Variants in KCNN4 observed in about 807,000 individuals in gnomAD.
KCNN4 encodes the protein potassium calcium-activated channel subfamily N member 4.
KCNN4 carries 31 observed loss-of-function variants against 45.2 expected under a neutral mutation model. The ratio of observed to expected loss-of-function variants is 0.69; its 90% CI spans 0.52 to 0.92. The LOEUF is 0.92. Ranked by LOEUF, KCNN4 falls within the 40% of genes least tolerant of loss-of-function variation. The pLI is 0.00. For missense variants in KCNN4, 463 were observed against 574.0 expected (o/e 0.81, Z 1.98); for synonymous variants, 231 against 254.6 (o/e 0.91, Z 0.88).
At chr19:43,777,318 TGTGTGTGG>T (rs1196875896) in intron 1 of KCNN4, among the ~76,000 whole-genome samples, 52 of 149,338 alleles carry the variant, frequency 3.5e-4, no homozygotes, top group South Asian at 8.5e-4. Context: ...TGTGTGTGTG[TGTGTGTGG>T]GTGTGTGTGT....
At chr19:43,767,446 C>G in intron 8 of KCNN4, 94 bp downstream of exon 8, 1 of 1,454,008 alleles carries the variant, frequency 6.9e-7, no homozygotes, top group Non-Finnish European at 9.2e-7. Flanking sequence ...GGCCTTGTCT[C>G]CCAGCCATCC....
At chr19:43,771,449 G>A (rs928979368) in intron 4 of KCNN4, among the ~76,000 whole-genome samples, 1 of 152,134 alleles carries the variant, frequency 6.6e-6, no homozygotes, top group Non-Finnish European at 1.5e-5. Context: ...TGGCTCGCCT[G>A]AGCTCCCCAG....
intron 4 of KCNN4, among the ~76,000 whole-genome samples, chr19:43,771,456 C>A (rs1479023181): frequency 2.0e-5 from 3 of 152,114 alleles, no homozygotes; most frequent in African/African-American, 7.2e-5. Flanking sequence ...CCTGAGCTCC[C>A]CAGCCAGGAA....
At chr19:43,767,826 C>T (rs1161356366) in intron 7 of KCNN4, 119 bp from the exon 8 acceptor site, 14 of 1,242,480 alleles carry the variant, frequency 1.1e-5, no homozygotes, top group South Asian at 5.4e-5. Flanking sequence ...GGATTACCCT[C>T]GACAATAACT....
intron 2 of KCNN4, among the ~76,000 whole-genome samples, 196 bp downstream of exon 2, chr19:43,776,345 G>A (rs925166926): frequency 6.6e-6 from 1 of 151,858 alleles, no homozygotes; most frequent in Non-Finnish European, 1.5e-5. Context: ...TACAGGGGAA[G>A]GCGGAGCTGG....
At position 43,766,655 on chromosome 19, in the gene KCNN4, G is replaced by A. The variant is rs1969486018; in HGVS notation, c.*438C>T. ...TGTCCTCTTTGTTGTCCCACCAGGGGGCGCCACCTCCAGCCCCGCCCCAGC... is the reference window on the plus strand; with the variant it reads ...TGTCCTCTTTGTTGTCCCACCAGGGAGCGCCACCTCCAGCCCCGCCCCAGC... On this transcript the variant is annotated 3_prime_UTR_variant, in exon 9 of 9. Transcript: ENST00000648319. 6.6e-6 allele frequency: 1 copy of A among 152,510 alleles called. No homozygotes were observed. The allele number at this position is 152,510 out of a possible 1,614,324, so 9.4% of individuals were successfully genotyped here.
Position 43,780,882 on chromosome 19 carries a change from T to C in KCNN4, c.-21A>G, listed in dbSNP as rs1355341878. On this transcript the variant is annotated 5_prime_UTR_variant, in exon 1 of 9. Transcript: ENST00000648319. ...CCCATGGCCCCCGGGGTCTTGGGGC[T>C]CAGCCAGCTTCCTGCCCAGGGTCCC... 1 of 1,612,046 alleles carries C rather than the reference T, an allele frequency of 6.2e-7. No individual in the cohort carries two copies. Among genetic ancestry groups the C allele is most frequent in the Non-Finnish European group, 8.5e-7 (1 of 1,179,122 alleles).
chr19:43,767,544 T>A lies in KCNN4; in HGVS notation c.1283A>T (p.Ter428LeuextTer28). 1 of 1,613,378 alleles carries A rather than the reference T, an allele frequency of 6.2e-7. No individual in the cohort carries two copies. The highest frequency in any genetic ancestry group is 8.5e-7 in the Non-Finnish European group (1 of 1,179,850). The change falls in exon 8 of 9, where the codon TAG becomes TTG. Residue 428 changes from the stop codon to leucine (L), a stop_lost. Coordinates refer to ENST00000648319, the MANE Select transcript of KCNN4 (RefSeq NM_002250.3). ...CCCAAGTCCCAGCCCCCTCACCAGC[T>A]ACTTGGACTGCTGGCTGGGTTCTGG... Reference protein sequence around the residue: ...QLPEPSQQSK* With the variant: ...QLPEPSQQSKL
At chr19:43,771,935 C>A in intron 4 of KCNN4, 65 bp downstream of exon 4, 1 of 1,510,678 alleles carries the variant, frequency 6.6e-7, no homozygotes, top group South Asian at 1.4e-5. Flanking sequence ...TTAATCATGG[C>A]TTCCTGGGGC....
intron 1 of KCNN4, 173 bp from the exon 2 acceptor site, chr19:43,776,809 T>C: frequency 1.7e-6 from 1 of 605,450 alleles, no homozygotes; most frequent in Non-Finnish European, 3.0e-6. Flanking sequence ...CTCAAAACCA[T>C]CATCTGGGCC....
rs73565098 is a variant in KCNN4, at chr19:43,767,783, A to G, written c.1120-76T>C. The stretch of plus-strand genomic sequence containing the variant: ...CTACTCCATAGCGTAAGGCAATGGA[A>G]CCAATATTGACCACATCCTTATGGT... On this transcript the variant is annotated intron_variant, in intron 7 of 8. Coordinates refer to ENST00000648319, the MANE Select transcript of KCNN4 (RefSeq NM_002250.3). 9,347 of 1,508,982 alleles carry G rather than the reference A, an allele frequency of 6.2e-3. 464 individuals carry two copies. The African/African-American group carries it at 0.11, about 18-fold the overall frequency. 93.5% of individuals were successfully genotyped at this position (1,508,982 alleles called of 1,614,324 possible).
At chr19:43,773,218 A>T (rs943854312) in intron 3 of KCNN4, among the ~76,000 whole-genome samples, 4 of 152,262 alleles carry the variant, frequency 2.6e-5, no homozygotes, top group African/African-American at 4.8e-5. Context: ...AATTGCTTGA[A>T]GCCGGGAGGC....
intron 2 of KCNN4, 103 bp downstream of exon 2, chr19:43,776,438 C>T (rs559385660): frequency 2.5e-6 from 2 of 810,140 alleles, no homozygotes; most frequent in South Asian, 1.5e-5. Context: ...GGCAGAAGAA[C>T]TTCATTACTC....
chr19:43,767,137 A>G, intron 8 of KCNN4, 48 bp from the exon 9 acceptor site: 1 of 206,292 alleles, frequency 4.8e-6, no homozygotes, highest in Non-Finnish European at 1.0e-5. Flanking sequence ...GAAGAGGGAG[A>G]GTGAGAGTGG....
At chr19:43,780,431 CCTCCCTCAGACCCAGG>C (rs1969943766) in intron 1 of KCNN4, among the ~76,000 whole-genome samples, 1 of 142,248 alleles carries the variant, frequency 7.0e-6, no homozygotes, top group African/African-American at 2.7e-5. Context: ...CCCAGCCCCT[CCTCCCTCAGACCCAGG>C]AGTCCTGACC....
intron 1 of KCNN4, among the ~76,000 whole-genome samples, chr19:43,777,038 C>T (rs568214223): frequency 6.6e-6 from 1 of 152,054 alleles, no homozygotes; most frequent in Non-Finnish European, 1.5e-5. Flanking sequence ...GCTGAGAGAT[C>T]GCGCCACTGC....
rs1334603154 is a variant in KCNN4, at chr19:43,780,696, C to T, written c.159+7G>A. On this transcript the variant is annotated splice_region_variant and intron_variant, in intron 1 of 8. Coordinates refer to ENST00000648319, the MANE Select transcript of KCNN4 (RefSeq NM_002250.3). ...GTCCCAGCTCCCAGCCACCATGCCC[C>T]ACTCACCGAGCACCCCCCGAACCAC... 2 of 1,612,188 alleles carry T rather than the reference C, an allele frequency of 1.2e-6. No individual in the cohort carries two copies. Among genetic ancestry groups the T allele is most frequent in the African/African-American group, 2.7e-5 (2 of 74,516 alleles).
chr19:43,777,099 G>A (rs1005164780), intron 1 of KCNN4, among the ~76,000 whole-genome samples: 3 of 151,868 alleles, frequency 2.0e-5, no homozygotes, highest in Non-Finnish European at 4.4e-5. Flanking sequence ...AAGCAAGCAA[G>A]CAAACAAACA....
Position 43,769,781 on chromosome 19 carries a change from C to T in KCNN4, c.868G>A (p.Glu290Lys). The T allele has an allele frequency of 6.2e-7, 1 of 1,613,910 alleles. No individual in the cohort carries two copies. The highest frequency in any genetic ancestry group is 8.5e-7 in the Non-Finnish European group (1 of 1,179,982). ...ACGTGCTTCTCTGCCTTGTTAAACT[C>T]CAGCTTCCGGGCCACCACGGCCACC... Reference protein sequence around the residue: ...LLVAVVARKLEFNKAEKHVHN... With the variant: ...LLVAVVARKLKFNKAEKHVHN... Residue 290 changes from glutamate to lysine, a missense_variant, in exon 5 of 9, where the codon GAG (glutamate) becomes AAG (lysine). Physicochemically the swap from Glu to Lys is moderately conservative, Grantham distance 56 (BLOSUM62 1). This residue lies in a region of KCNN4 where 109 missense variants were observed against 183.7 expected (regional missense o/e 0.59). Coordinates refer to ENST00000648319, the MANE Select transcript of KCNN4 (RefSeq NM_002250.3). The surrounding 1 kb of genome is among the most constrained non-coding windows in gnomAD (Gnocchi z 4.4).
Sources: allele counts gnomAD v4.1 joint callset (sites outside exome capture counted in the v4.1 genomes callset), GRCh38; gene constraint gnomAD v4.1.1; regional missense constraint gnomAD v4.1.1; non-coding constraint Gnocchi (gnomAD v3.1); transcripts MANE v1.5; gene names NCBI Gene and HGNC (gene_info 2026-07-23, HGNC 2026-07-21).